CTNNA2: variants seen among roughly 807,000 people sequenced by gnomAD.
The protein encoded by CTNNA2 is catenin alpha 2.
CTNNA2 carries 42 observed loss-of-function variants against 101.0 expected under a neutral mutation model. The observed-to-expected ratio is 0.42, with a 90% CI of 0.32 to 0.54. CTNNA2 has a LOEUF of 0.54. Ranked by LOEUF, CTNNA2 falls within the 20% of genes least tolerant of loss-of-function variation. CTNNA2 has a pLI of 0.14. For synonymous variants in CTNNA2, 450 were observed against 456.4 expected, an observed-to-expected ratio of 0.99 and a Z score of 0.18; for missense variants, 871 against 1,223.1, an observed-to-expected ratio of 0.71 and a Z score of 4.29.
chr2:79,512,293 C>T (rs935971976), upstream of CTNNA2, among the ~76,000 whole-genome samples: 4 of 152,178 alleles, frequency 2.6e-5, no homozygotes, highest in Non-Finnish European at 5.9e-5. Context: ...TCCACTGAAT[C>T]AAGAAAAGAA....
chr2:79,659,946 T>C (rs1681903705), intron 2 of CTNNA2, among the ~76,000 whole-genome samples: 1 of 152,204 alleles, frequency 6.6e-6, no homozygotes, highest in Non-Finnish European at 1.5e-5. Context: ...TAAGCTATGA[T>C]GGTGCCAGTG....
rs535859691 is a variant in CTNNA2, at chr2:79,248,836, T to A, written c.-406+50760T>A. ...TACAGCAAGGCTGTATGTGTATGAATGAGACACTTAACCCCAGGCTTTTCC... is the reference window on the plus strand; with the variant it reads ...TACAGCAAGGCTGTATGTGTATGAAAGAGACACTTAACCCCAGGCTTTTCC... On this transcript the variant is annotated intron_variant, in intron 2 of 21. Coordinates refer to the CTNNA2 transcript ENST00000466387. Among the ~76,000 whole-genome samples, 17 of 152,366 alleles carry A rather than the reference T, an allele frequency of 1.1e-4. No homozygotes were observed. In the East Asian group the frequency reaches 3.3e-3, roughly 29 times the overall value.
intron 7 of CTNNA2, among the ~76,000 whole-genome samples, chr2:79,973,214 A>AT (rs57776249): frequency 6.6e-6 from 1 of 151,644 alleles, no homozygotes; most frequent in Non-Finnish European, 1.5e-5. Context: ...TCTCTTGGTT[A>AT]TTTTTTTCCC....
At chr2:80,327,431 T>C (rs1165863561) in intron 7 of CTNNA2, among the ~76,000 whole-genome samples, 1 of 152,076 alleles carries the variant, frequency 6.6e-6, no homozygotes, top group Non-Finnish European at 1.5e-5. Context: ...TCATGTCTTC[T>C]TCAAAGTTGA....
rs1171485573 is a variant in CTNNA2 at position 80,539,271 on chromosome 2, TAA to T, written c.1291-5710_1291-5709del. On this transcript the variant is annotated intron_variant, in intron 9 of 18. Transcript: ENST00000402739. ...GTAATACAAATTCAATTAATGGAGT[TAA>T]GTTACTTTCTTCAAAAAATAGGCAT... Among the ~76,000 whole-genome samples the T allele has an allele frequency of 4.6e-5, 7 of 152,012 alleles. No individual in the cohort carries two copies. In the South Asian group the frequency reaches 8.3e-4, roughly 18 times the overall value.
chr2:80,162,747 T>A, intron 7 of CTNNA2: 1 of 1,607,216 alleles, frequency 6.2e-7, no homozygotes, highest in Non-Finnish European at 8.5e-7. Flanking sequence ...AAATCCTGAT[T>A]GATCCAGAGG....
chr2:80,405,342 T>A (rs1351313187), intron 8 of CTNNA2, among the ~76,000 whole-genome samples: 2 of 152,200 alleles, frequency 1.3e-5, no homozygotes, highest in African/African-American at 2.4e-5. Context: ...ATAAAACTCA[T>A]AAGTTAGAAA....
chr2:80,225,642 T>C (rs1017824224), intron 7 of CTNNA2, among the ~76,000 whole-genome samples: 17 of 152,210 alleles, frequency 1.1e-4, no homozygotes, highest in African/African-American at 3.6e-4. Flanking sequence ...GCTATGTATA[T>C]AGAATAGCAT....
At chr2:80,097,140 G>T (rs1700205310) in intron 7 of CTNNA2, among the ~76,000 whole-genome samples, 1 of 152,170 alleles carries the variant, frequency 6.6e-6, no homozygotes, top group African/African-American at 2.4e-5. Context: ...TGAAGTGGCT[G>T]GTACCGGTTG....
chr2:79,815,998 AT>A (rs148404305), intron 3 of CTNNA2, among the ~76,000 whole-genome samples: 29,573 of 148,998 alleles, frequency 0.2, 3,425 homozygotes, highest in African/African-American at 0.33. Context: ...ATTCCTAAGT[AT>A]TTTTTTTTTG....
At chr2:79,874,401 A>C in intron 6 of CTNNA2, 59 bp downstream of exon 6, 1 of 1,484,876 alleles carries the variant, frequency 6.7e-7, no homozygotes, top group South Asian at 1.2e-5. Flanking sequence ...AAAAAAAAAA[A>C]TGTATTGAGG....
chr2:80,498,085 A>G (rs529483527), intron 9 of CTNNA2, among the ~76,000 whole-genome samples: 2 of 152,116 alleles, frequency 1.3e-5, no homozygotes, highest in Non-Finnish European at 2.9e-5. Context: ...TCCAATTTCC[A>G]GGAGCAGGGT....
intron 15 of CTNNA2, among the ~76,000 whole-genome samples, chr2:80,597,931 AC>A (rs1249124423): frequency 1.3e-5 from 2 of 152,094 alleles, no homozygotes; most frequent in Admixed American, 6.5e-5. Flanking sequence ...AAGATCTAGA[AC>A]CAGAAATAAT....
rs1020637713 is a variant in CTNNA2 at position 79,474,639 on chromosome 2, A to T, written c.-134-30415A>T. Reference sequence around the variant, plus strand: ...TAAAATAGAGTAATCATTATATTTTAATTTTAATTTATATTAATGAACTGT... The same window carrying T: ...TAAAATAGAGTAATCATTATATTTTTATTTTAATTTATATTAATGAACTGT... On this transcript the variant is annotated intron_variant, in intron 4 of 21. Transcript: ENST00000466387. 3.9e-5 allele frequency among the ~76,000 whole-genome samples: 6 copies of T among 152,346 alleles called. No individual in the cohort carries two copies. The East Asian group carries it at 5.8e-4, about 15-fold the overall frequency.
At chr2:80,226,357 T>C (rs571803430) in intron 7 of CTNNA2, among the ~76,000 whole-genome samples, 1 of 152,318 alleles carries the variant, frequency 6.6e-6, no homozygotes, top group African/African-American at 2.4e-5. Context: ...TATGACTAGA[T>C]CTTGAGAGTG....
chr2:79,693,433 A>G (rs1387847525), intron 2 of CTNNA2, among the ~76,000 whole-genome samples: 1 of 151,972 alleles, frequency 6.6e-6, no homozygotes, highest in Non-Finnish European at 1.5e-5. Context: ...TGACATACCT[A>G]TTCATTTTTC....
Position 80,043,097 on chromosome 2 carries a change from C to CTT in CTNNA2, c.1056+133301_1056+133302insTT, listed in dbSNP as rs1558755056. On this transcript the variant is annotated intron_variant, in intron 7 of 18. Coordinates refer to ENST00000402739, the MANE Select transcript of CTNNA2 (RefSeq NM_001282597.3). Reference sequence around the variant, plus strand: ...TTTCTTTCTTTCTTTCTTTCTTTCTCTCTCTCTCTCTCTCTTTCTTTCTCC... The same window carrying CTT: ...TTTCTTTCTTTCTTTCTTTCTTTCTCTTTCTCTCTCTCTCTCTTTCTTTCTCC... Among the ~76,000 whole-genome samples the CTT allele has an allele frequency of 4.4e-3, 108 of 24,272 alleles. 1 individual carries two copies. The highest frequency in any genetic ancestry group is 0.03 in the South Asian group (22 of 734). 15.9% of individuals were successfully genotyped at this position (24,272 alleles called of 152,430 possible). A position where few individuals can be genotyped will look rare whatever the true frequency, so the allele number is the denominator to read the frequency against.
intron 7 of CTNNA2, among the ~76,000 whole-genome samples, chr2:80,360,383 G>T (rs1674285503): frequency 6.6e-6 from 1 of 152,054 alleles, no homozygotes. Flanking sequence ...TAAAATAATT[G>T]TCTAATTATC....
chr2:79,443,938 C>A (rs984092775), intron 4 of CTNNA2, among the ~76,000 whole-genome samples: 1 of 142,118 alleles, frequency 7.0e-6, no homozygotes, highest in Non-Finnish European at 1.5e-5. Flanking sequence ...CTCTCTCTCT[C>A]TCTGGCCTTC....
Sources: gnomAD v4.1 joint callset for allele counts (sites outside exome capture counted in the v4.1 genomes callset) on GRCh38, gnomAD v4.1.1 for gene constraint, MANE v1.5 for transcripts, NCBI Gene and HGNC (gene_info 2026-07-23, HGNC 2026-07-21) for gene names.